LAMB3: variants seen among roughly 807,000 people sequenced by gnomAD.
LAMB3 encodes laminin subunit beta 3.
Under a neutral mutation model 140.3 loss-of-function variants are expected in LAMB3, and 104 were observed. The ratio of observed to expected loss-of-function variants is 0.74; its 90% CI spans 0.63 to 0.87. LAMB3 has a LOEUF of 0.87. Ranked by LOEUF, LAMB3 falls within the 40% of genes least tolerant of loss-of-function variation. The pLI is 0.00. For synonymous variants in LAMB3, 592 were observed against 602.9 expected (o/e 0.98, Z 0.26); for missense variants, 1,531 against 1,575.2 (o/e 0.97, Z 0.47).
intron 18 of LAMB3, among the ~76,000 whole-genome samples, chr1:209,621,658 C>T (rs544303817): frequency 1.3e-5 from 2 of 152,272 alleles, no homozygotes; most frequent in African/African-American, 4.8e-5. Flanking sequence ...GAAATACTAC[C>T]GTCCCCATTT....
At chr1:209,626,176 C>T (rs974871034) in intron 13 of LAMB3, 150 bp from the exon 14 acceptor site, 1 of 872,500 alleles carries the variant, frequency 1.1e-6, no homozygotes, top group Non-Finnish European at 1.7e-6. Context: ...GCCATGGTAA[C>T]AGCTGCAGTG....
In LAMB3 at chr1:209,628,849, A is replaced by G. The variant is rs766008622; in HGVS notation, c.1133-659T>C. On this transcript the variant is annotated intron_variant, in intron 10 of 22. Transcript: ENST00000356082. ...CAACCACTGAACTGGGAACTGTCAT[A>G]TGTTGCCTCATGTAATCTTCATGAT... Among the ~76,000 whole-genome samples the G allele has an allele frequency of 2.6e-4, 39 of 152,202 alleles. 1 individual carries two copies. The highest frequency in any genetic ancestry group is 3.1e-4 in the Non-Finnish European group (21 of 68,026).
At chr1:209,645,858 G>C (rs190548297) in intron 3 of LAMB3, among the ~76,000 whole-genome samples, 59 of 152,226 alleles carry the variant, frequency 3.9e-4, no homozygotes, top group African/African-American at 1.4e-3. Flanking sequence ...CAAGAAAACA[G>C]ACAACTGTCA....
At position 209,624,550 on chromosome 1, in the gene LAMB3, C is replaced by T. The variant is rs373036103; in HGVS notation, c.1977-550G>A. On this transcript the variant is annotated intron_variant, in intron 14 of 22. Coordinates refer to ENST00000356082, the MANE Select transcript of LAMB3 (RefSeq NM_000228.3). ...CAACCCAACCACCAGCTCCCTCCTC[C>T]AAGCCTCACATTCTCCACCTCCAGG... Among the ~76,000 whole-genome samples the T allele has an allele frequency of 1.4e-4, 21 of 152,294 alleles. No individual in the cohort carries two copies. The South Asian group carries it at 2.3e-3, about 17-fold the overall frequency.
At chr1:209,634,172 A>G (rs1666800899) in intron 6 of LAMB3, among the ~76,000 whole-genome samples, 1 of 152,202 alleles carries the variant, frequency 6.6e-6, no homozygotes, top group Non-Finnish European at 1.5e-5. Context: ...GGATGAGCCA[A>G]TGAGTCACGG....
chr1:209,627,359 C>A (rs768842607), intron 12 of LAMB3, 24 bp downstream of exon 12: 2 of 1,601,424 alleles, frequency 1.2e-6, no homozygotes, highest in East Asian at 2.2e-5. Flanking sequence ...CTGAGGGGGC[C>A]CCCGGACCAC....
In LAMB3 at chr1:209,624,956, G is replaced by A. The variant is rs561319523; in HGVS notation, c.1976+692C>T. On this transcript the variant is annotated intron_variant, in intron 14 of 22. Coordinates refer to ENST00000356082, the MANE Select transcript of LAMB3 (RefSeq NM_000228.3). ...GAAGGAAAAAAAGGGAAGGAAGGAA[G>A]GAAGGAAAAAAGAAGGAAAAGAAGG... Among the ~76,000 whole-genome samples, 10 of 151,248 alleles carry A rather than the reference G, an allele frequency of 6.6e-5. No individual in the cohort carries two copies. The South Asian group carries it at 2.1e-3, about 32-fold the overall frequency.
chr1:209,634,423 C>A (rs1282063484), intron 6 of LAMB3, 24 bp downstream of exon 6: 2 of 1,611,552 alleles, frequency 1.2e-6, no homozygotes, highest in African/African-American at 2.7e-5. Context: ...CCCAGGCCTA[C>A]TTTTCAGGAT....
In LAMB3 at chr1:209,632,550, C is replaced by G. The variant is rs2072940; in HGVS notation, c.822+33G>C. 212,463 of 1,590,144 alleles carry G rather than the reference C, an allele frequency of 0.13. 15,229 individuals are homozygous for G. Among genetic ancestry groups the G allele is most frequent in the Admixed American group, 0.16 (9,316 of 59,750 alleles). On this transcript the variant is annotated intron_variant, in intron 8 of 22. Coordinates refer to ENST00000356082, the MANE Select transcript of LAMB3 (RefSeq NM_000228.3). The stretch of plus-strand genomic sequence containing the variant: ...TCTGTAGTCTGCCCTGGTCCTGCCC[C>G]CTTCCTCTCCCCTTCCCACCCTAGG...
intron 3 of LAMB3, among the ~76,000 whole-genome samples, chr1:209,649,097 G>A (rs902933930): frequency 1.3e-5 from 2 of 152,098 alleles, no homozygotes; most frequent in Admixed American, 6.5e-5. Context: ...AGAGAACACA[G>A]GGACTAGAAG....
At chr1:209,643,026 G>A (rs4844482) in intron 3 of LAMB3, among the ~76,000 whole-genome samples, 86,057 of 152,050 alleles carry the variant, frequency 0.57, 26,767 homozygotes, top group East Asian at 0.84. Flanking sequence ...TAACATAGCC[G>A]AAGGAGGAAT....
rs1666281107 is a variant in LAMB3 at position 209,623,373 on chromosome 1, G to C, written c.2358+132C>G. The C allele has an allele frequency of 2.9e-6, 3 of 1,050,372 alleles. No homozygotes were observed. Among genetic ancestry groups the C allele is most frequent in the Non-Finnish European group, 2.9e-6 (2 of 682,762 alleles). The allele number at this position is 1,050,372 out of a possible 1,614,324, so 65.1% of individuals were successfully genotyped here. On this transcript the variant is annotated intron_variant, in intron 16 of 22. Transcript: ENST00000356082. This position sits in a 1 kb window ranked among gnomAD's most constrained non-coding sequence, Gnocchi z 4.2. ...ACTGAGCTCACAGTGAGCAGTACAA[G>C]GGTCGGGATGGCTGGGGGAGTGGGG...
At position 209,634,624 on chromosome 1, in the gene LAMB3, G is replaced by T; in HGVS notation, c.387C>A (p.Ala129=). The T allele has an allele frequency of 1.2e-6, 2 of 1,613,332 alleles. No homozygotes were observed. Among genetic ancestry groups the T allele is most frequent in the African/African-American group, 2.7e-5 (2 of 75,022 alleles). ...VMMEFQGPMP[A]GMLIERSSDF... Reference sequence around the variant, plus strand: ...CTGAGGAGCGCTCAATCAGCATGCCGGCGGGCATGGGCCCCTGTGGAGACA... The same window carrying T: ...CTGAGGAGCGCTCAATCAGCATGCCTGCGGGCATGGGCCCCTGTGGAGACA... Residue 129 remains alanine (A), a synonymous_variant, in exon 6 of 23, where the codon GCC becomes GCA. Transcript: ENST00000356082.
At chr1:209,639,414 G>A (rs2236895) in intron 3 of LAMB3, among the ~76,000 whole-genome samples, 4 of 151,924 alleles carry the variant, frequency 2.6e-5, no homozygotes, top group Admixed American at 6.6e-5. Flanking sequence ...TCTCAGGTTC[G>A]GTATTCCCTA....
chr1:209,627,753 T>A (rs1666523202), intron 11 of LAMB3, among the ~76,000 whole-genome samples, 174 bp from the exon 12 acceptor site: 1 of 152,212 alleles, frequency 6.6e-6, no homozygotes, highest in Admixed American at 6.5e-5. Context: ...TCCAGCCACC[T>A]GGCAGCTCAG....
chr1:209,645,514 G>A (rs1440550143), intron 3 of LAMB3, among the ~76,000 whole-genome samples: 2 of 151,990 alleles, frequency 1.3e-5, no homozygotes, highest in East Asian at 1.9e-4. Flanking sequence ...TCAGGAGTTC[G>A]AGACCAGCCT....
At chr1:209,638,131 A>C in intron 4 of LAMB3, 150 bp from the exon 5 acceptor site, 1 of 723,782 alleles carries the variant, frequency 1.4e-6, no homozygotes, top group Non-Finnish European at 2.4e-6. Context: ...GGGGAGTGGT[A>C]TGTTTCTGCT....
chr1:209,641,862 C>T (rs959738677), intron 3 of LAMB3, among the ~76,000 whole-genome samples: 3 of 152,224 alleles, frequency 2.0e-5, no homozygotes, highest in Non-Finnish European at 4.4e-5. Context: ...TCTTTATACT[C>T]TTCCCAGCCT....
At chr1:209,651,066 A>G (rs934673034) in intron 1 of LAMB3, 85 bp from the exon 2 acceptor site, 8 of 902,624 alleles carry the variant, frequency 8.9e-6, no homozygotes, top group Non-Finnish European at 1.5e-5. Context: ...TCTAGACTCA[A>G]GTATTTTTCA....
Sources: gnomAD v4.1 joint callset for allele counts (sites outside exome capture counted in the v4.1 genomes callset) on GRCh38, gnomAD v4.1.1 for gene constraint, Gnocchi (gnomAD v3.1) non-coding constraint, MANE v1.5 for transcripts, NCBI Gene and HGNC (gene_info 2026-07-23, HGNC 2026-07-21) for gene names.